Variants in AAMDC observed in about 807,000 individuals in gnomAD.
The protein encoded by AAMDC is mth938 domain-containing protein.
Under a neutral mutation model 15.5 loss-of-function variants are expected in AAMDC, and 16 were observed. That is an observed-to-expected ratio of 1.03 (90% CI 0.70 to 1.57). The LOEUF is 1.57. AAMDC is among the 40% of genes most tolerant of loss of function. AAMDC has a pLI of 0.00. For missense variants in AAMDC, 141 were observed against 144.9 expected, an observed-to-expected ratio of 0.97 and a Z score of 0.14; for synonymous variants, 51 against 51.6, an observed-to-expected ratio of 0.99 and a Z score of 0.05.
chr11:77,869,310 T>C (rs372247288), intron 2 of AAMDC: 15 of 130,494 alleles, frequency 1.1e-4, no homozygotes, highest in Non-Finnish European at 2.1e-4. Context: ...TTATCTCTTT[T>C]TCTTTTTTTT....
intron 2 of AAMDC, among the ~76,000 whole-genome samples, chr11:77,847,984 C>G (rs1565204024): frequency 6.6e-6 from 1 of 152,190 alleles, no homozygotes. Context: ...TCTCCTTCCT[C>G]TGCTTTATGT....
downstream of AAMDC, chr11:77,877,102 C>G (rs1015062130): frequency 2.9e-6 from 2 of 698,708 alleles, no homozygotes; most frequent in African/African-American, 1.7e-5. Context: ...TTCCCCTAGT[C>G]CCTCTTTCGC....
intron 2 of AAMDC, chr11:77,850,784 A>G (rs548134860): frequency 1.5e-4 from 7 of 47,880 alleles, no homozygotes; most frequent in Non-Finnish European, 2.3e-4. Flanking sequence ...ATACACACAC[A>G]TACACACACA....
intron 5 of AAMDC, among the ~76,000 whole-genome samples, chr11:77,897,680 T>TG (rs1952589736): frequency 6.6e-6 from 1 of 151,280 alleles, no homozygotes; most frequent in African/African-American, 2.4e-5. Flanking sequence ...TTTTTTTTTT[T>TG]ATTTTTAGTA....
chr11:77,888,206 G>T (rs1264793503), intron 5 of AAMDC, among the ~76,000 whole-genome samples: 1 of 152,220 alleles, frequency 6.6e-6, no homozygotes, highest in Non-Finnish European at 1.5e-5. Context: ...GAACAGCATG[G>T]TACTGTTACC....
downstream of AAMDC, among the ~76,000 whole-genome samples, chr11:77,872,627 A>C (rs1010690539): frequency 6.6e-5 from 10 of 152,130 alleles, no homozygotes; most frequent in African/African-American, 2.4e-4. Flanking sequence ...CTGAGACTGG[A>C]GCCAGATTGT....
chr11:77,895,450 G>A (rs1952468597), intron 5 of AAMDC, among the ~76,000 whole-genome samples: 1 of 125,974 alleles, frequency 7.9e-6, no homozygotes, highest in East Asian at 2.6e-4. Context: ...TTTGCTGAAT[G>A]AACAAAAAAT....
chr11:77,850,160 T>C (rs1049711728), intron 2 of AAMDC, among the ~76,000 whole-genome samples: 1 of 152,240 alleles, frequency 6.6e-6, no homozygotes, highest in Admixed American at 6.5e-5. Flanking sequence ...ATAATTCCTT[T>C]TTCATTAGTT....
At chr11:77,883,753 C>T (rs756798389) in intron 5 of AAMDC, 5 of 1,485,072 alleles carry the variant, frequency 3.4e-6, no homozygotes, top group Non-Finnish European at 4.6e-6. Context: ...TTTTTTCAAA[C>T]TTTAAAAACC....
chr11:77,821,205 C>A lies in AAMDC; in HGVS notation c.-55C>A. 3.3e-6 allele frequency: 1 copy of A among 304,908 alleles called. No homozygotes were observed. Among genetic ancestry groups the A allele is most frequent in the Non-Finnish European group, 6.0e-6 (1 of 165,830 alleles). The allele number at this position is 304,908 out of a possible 1,614,324, so 18.9% of individuals were successfully genotyped here. Reference sequence around the variant, plus strand: ...CGTAAGTGCGGGCAGAGCACTGCGCCGTTTGGGAACGCAACTTTGAGGAGA... The same window carrying A: ...CGTAAGTGCGGGCAGAGCACTGCGCAGTTTGGGAACGCAACTTTGAGGAGA... On this transcript the variant is annotated 5_prime_UTR_variant, in exon 1 of 4. Coordinates refer to ENST00000393427, the MANE Select transcript of AAMDC (RefSeq NM_024684.4).
chr11:77,856,141 A>G (rs376058611), intron 2 of AAMDC, among the ~76,000 whole-genome samples: 4 of 152,302 alleles, frequency 2.6e-5, no homozygotes, highest in South Asian at 4.1e-4. Flanking sequence ...AAGGTCTTCC[A>G]CCAGATACCC....
In AAMDC at chr11:77,858,765, CA is replaced by C. The variant is rs1480354158; in HGVS notation, c.133-10956del. On this transcript the variant is annotated intron_variant, in intron 2 of 3. Coordinates refer to ENST00000393427, the MANE Select transcript of AAMDC (RefSeq NM_024684.4). ...GGAGGGATGCCTTTGATGTCATTAA[CA>C]TCAGAGCATGGGCTAGCAGGCCAGT... is the stretch of plus-strand genomic sequence containing the variant. Among the ~76,000 whole-genome samples the C allele has an allele frequency of 4.6e-5, 7 of 152,178 alleles. No individual in the cohort carries two copies. The South Asian group carries it at 6.2e-4, about 14-fold the overall frequency.
intron 2 of AAMDC, among the ~76,000 whole-genome samples, chr11:77,864,120 T>A (rs1401290260): frequency 6.6e-6 from 1 of 151,774 alleles, no homozygotes; most frequent in African/African-American, 2.4e-5. Context: ...AGAGATGGAG[T>A]TTCACCATGT....
chr11:77,876,842 G>A (rs1156293722), downstream of AAMDC: 2 of 604,558 alleles, frequency 3.3e-6, no homozygotes, highest in African/African-American at 1.9e-5. Context: ...TTTTATAAAA[G>A]GGGTACTTAT....
chr11:77,830,951 G>A (rs1329759832), intron 1 of AAMDC, among the ~76,000 whole-genome samples: 3 of 141,050 alleles, frequency 2.1e-5, no homozygotes, highest in African/African-American at 5.3e-5. Context: ...GACCATTCTG[G>A]GAAACATGGC....
intron 2 of AAMDC, among the ~76,000 whole-genome samples, chr11:77,844,411 A>T (rs1457840405): frequency 1.3e-5 from 2 of 151,608 alleles, no homozygotes; most frequent in Non-Finnish European, 2.9e-5. Flanking sequence ...CGTCCAGGCT[A>T]GAGTGCAGTG....
chr11:77,843,824 CA>C (rs1341748239), intron 2 of AAMDC, among the ~76,000 whole-genome samples: 1 of 152,094 alleles, frequency 6.6e-6, no homozygotes, highest in East Asian at 1.9e-4. Flanking sequence ...AATGGACTTA[CA>C]GTTCCACATG....
chr11:77,874,419 G>A (rs1045177000), downstream of AAMDC, among the ~76,000 whole-genome samples: 4 of 151,548 alleles, frequency 2.6e-5, no homozygotes, highest in Admixed American at 6.6e-5. Flanking sequence ...AGCTCTGGTG[G>A]GTGTTGAATT....
At chr11:77,879,180 G>A in intron 5 of AAMDC, 6 of 1,588,730 alleles carry the variant, frequency 3.8e-6, no homozygotes, top group Non-Finnish European at 5.2e-6. Context: ...CTAGGAATGA[G>A]GATGAAATGT....
Sources: gnomAD v4.1 joint callset for allele counts (sites outside exome capture counted in the v4.1 genomes callset) on GRCh38, gnomAD v4.1.1 for gene constraint, MANE v1.5 for transcripts, NCBI Gene and HGNC (gene_info 2026-07-23, HGNC 2026-07-21) for gene names.